Variants in NUMB observed in about 807,000 individuals in gnomAD.
NUMB encodes protein numb homolog.
Under a neutral mutation model 59.7 loss-of-function variants are expected in NUMB, and 29 were observed. The ratio of observed to expected loss-of-function variants is 0.49; its 90% CI spans 0.36 to 0.66. The LOEUF is 0.66. Among genes scored for constraint, NUMB ranks in the 30% least tolerant of loss-of-function variants. The probability of loss-of-function intolerance (pLI) is 0.00; values close to 1 mark genes in which losing one functional copy is unlikely to be tolerated. For missense variants in NUMB, 723 were observed against 822.0 expected, an observed-to-expected ratio of 0.88 and a Z score of 1.47; for synonymous variants, 288 against 288.2, an observed-to-expected ratio of 1.00 and a Z score of 0.01.
intron 1 of NUMB, among the ~76,000 whole-genome samples, chr14:73,450,250 G>A (rs1260644491): frequency 8.5e-5 from 13 of 152,284 alleles, no homozygotes; most frequent in African/African-American, 2.9e-4. Context: ...TATGGATGAC[G>A]AAACTGAATC....
intron 1 of NUMB, among the ~76,000 whole-genome samples, chr14:73,451,130 G>A (rs1285401635): frequency 7.1e-6 from 1 of 140,734 alleles, no homozygotes; most frequent in South Asian, 2.3e-4. Context: ...CTCTATCCTG[G>A]GCGACAGAGC....
Position 73,284,364 on chromosome 14 carries a change from AT to A in NUMB, c.665del (p.Asp222ValfsTer3). On this transcript the variant is annotated frameshift_variant, in exon 10 of 13. Transcript: ENST00000555238. LOFTEE classifies it high-confidence loss of function. ...CAACTGATGAACCAACGACTATCTT[AT>A]CTGTTTCAGCTCAAGAAAATAAAGA... is the stretch of plus-strand genomic sequence containing the variant. ...QMQDAKKAET[D>X]KIVVGSSVAP... 2 of 1,612,684 alleles carry A rather than the reference AT, an allele frequency of 1.2e-6. No homozygotes were observed. The highest frequency in any genetic ancestry group is 1.7e-6 in the Non-Finnish European group (2 of 1,178,892).
At position 73,357,496 on chromosome 14, in the gene NUMB, C is replaced by T. The variant is rs138267613; in HGVS notation, c.-15-1730G>A. ...TACATGGGCTGGGCACAGTGGCTCA[C>T]GTGTGTAATCCCAGCACTTTCGGAG... On this transcript the variant is annotated intron_variant, in intron 3 of 12. Transcript: ENST00000555238. 4.1e-3 allele frequency among the ~76,000 whole-genome samples: 621 copies of T among 151,914 alleles called. 1 individual carries two copies. The highest frequency in any genetic ancestry group is 6.8e-3 in the Middle Eastern group (2 of 292).
At chr14:73,445,370 A>C (rs1462050831) in intron 1 of NUMB, among the ~76,000 whole-genome samples, 1 of 124,858 alleles carries the variant, frequency 8.0e-6, no homozygotes. Flanking sequence ...AAAAAAAAAA[A>C]AAAAAAAAAA....
At chr14:73,405,745 G>C (rs1233861707) in intron 2 of NUMB, among the ~76,000 whole-genome samples, 1 of 151,962 alleles carries the variant, frequency 6.6e-6, no homozygotes, top group Non-Finnish European at 1.5e-5. Context: ...CCATCCTGTG[G>C]AGCCGTGCCT....
Position 73,276,131 on chromosome 14 carries a change from G to C in NUMB, c.*447C>G, listed in dbSNP as rs1184007574. On this transcript the variant is annotated 3_prime_UTR_variant, in exon 13 of 13. Coordinates refer to ENST00000555238, the MANE Select transcript of NUMB (RefSeq NM_001005743.2). The stretch of plus-strand genomic sequence containing the variant: ...GCATAGCGTGCCTCTCTGTTCCCCA[G>C]CCTGAGCACAAACCACTCTTCTTGA... 2 of 157,870 alleles carry C rather than the reference G, an allele frequency of 1.3e-5. No homozygotes were observed. The highest frequency in any genetic ancestry group is 2.8e-5 in the Non-Finnish European group (2 of 71,084). 9.8% of individuals were successfully genotyped at this position (157,870 alleles called of 1,614,324 possible).
chr14:73,357,400 CAAAA>C (rs199955256), intron 3 of NUMB, among the ~76,000 whole-genome samples: 8 of 133,618 alleles, frequency 6.0e-5, no homozygotes, highest in Non-Finnish European at 1.1e-4. Context: ...GAAACTCTGT[CAAAA>C]AAAAAAAAAG....
At chr14:73,371,827 T>C (rs1894688329) in intron 2 of NUMB, among the ~76,000 whole-genome samples, 1 of 152,146 alleles carries the variant, frequency 6.6e-6, no homozygotes. Context: ...GACCTGCCAG[T>C]ACCTTGATCT....
At chr14:73,342,751 T>C (rs1393457561) in intron 4 of NUMB, among the ~76,000 whole-genome samples, 1 of 152,224 alleles carries the variant, frequency 6.6e-6, no homozygotes, top group African/African-American at 2.4e-5. Flanking sequence ...GTGTTTTTAA[T>C]GTACTGTATT....
At chr14:73,397,059 G>A (rs1241849295) in intron 2 of NUMB, among the ~76,000 whole-genome samples, 1 of 152,150 alleles carries the variant, frequency 6.6e-6, no homozygotes, top group African/African-American at 2.4e-5. Context: ...GGGAGGCAGA[G>A]GTTGCAGTGA....
intron 6 of NUMB, among the ~76,000 whole-genome samples, chr14:73,303,276 C>T (rs1404258498): frequency 6.7e-6 from 1 of 149,400 alleles, no homozygotes; most frequent in Non-Finnish European, 1.5e-5. Flanking sequence ...GCACAAACAC[C>T]TCTTTAAAAA....
At chr14:73,373,870 A>G (rs1024515247) in intron 2 of NUMB, among the ~76,000 whole-genome samples, 8 of 151,190 alleles carry the variant, frequency 5.3e-5, no homozygotes, top group African/African-American at 1.9e-4. Flanking sequence ...TGCTTAGCTA[A>G]TTTTTTTTCT....
At chr14:73,419,343 T>C (rs565791441) in intron 1 of NUMB, among the ~76,000 whole-genome samples, 6 of 152,210 alleles carry the variant, frequency 3.9e-5, no homozygotes, top group Admixed American at 2.0e-4. Context: ...ACCCGGTCTC[T>C]ACTAAAAATA....
chr14:73,401,929 A>G (rs1420283447), intron 2 of NUMB, among the ~76,000 whole-genome samples: 3 of 152,138 alleles, frequency 2.0e-5, no homozygotes, highest in Non-Finnish European at 4.4e-5. Flanking sequence ...GGGTACAATC[A>G]GAGCTCACTG....
intron 1 of NUMB, among the ~76,000 whole-genome samples, chr14:73,422,785 A>G (rs2140154289): frequency 6.6e-6 from 1 of 152,062 alleles, no homozygotes; most frequent in East Asian, 1.9e-4. Context: ...ATCATTCATG[A>G]GGGATCTGCT....
At chr14:73,396,605 A>G (rs958167325) in intron 2 of NUMB, among the ~76,000 whole-genome samples, 1 of 152,016 alleles carries the variant, frequency 6.6e-6, no homozygotes, top group African/African-American at 2.4e-5. Flanking sequence ...CCTGAGCTCA[A>G]CTGATACTCC....
At chr14:73,387,029 C>T (rs1435277800) in intron 2 of NUMB, among the ~76,000 whole-genome samples, 1 of 150,474 alleles carries the variant, frequency 6.6e-6, no homozygotes, top group East Asian at 1.9e-4. Context: ...TACAGGCGCC[C>T]GCCACTACGC....
intron 2 of NUMB, among the ~76,000 whole-genome samples, chr14:73,368,526 T>C (rs946056636): frequency 1.3e-5 from 2 of 151,212 alleles, no homozygotes; most frequent in Admixed American, 1.3e-4. Context: ...GAGGTTACAG[T>C]GAGCCGAGAT....
intron 4 of NUMB, among the ~76,000 whole-genome samples, chr14:73,354,401 C>A (rs962164032): frequency 6.6e-6 from 1 of 150,522 alleles, no homozygotes; most frequent in Admixed American, 6.7e-5. Context: ...GTCCCAGATA[C>A]TTGGGAGGCT....
Sources: allele counts gnomAD v4.1 joint callset (sites outside exome capture counted in the v4.1 genomes callset), GRCh38; gene constraint gnomAD v4.1.1; transcripts MANE v1.5; gene names NCBI Gene and HGNC (gene_info 2026-07-23, HGNC 2026-07-21).